DACH2: variants seen among roughly 807,000 people sequenced by gnomAD.
The protein encoded by DACH2 is dachshund homolog 2.
DACH2 carries 17 observed loss-of-function variants against 35.8 expected under a neutral mutation model. The ratio of observed to expected loss-of-function variants is 0.48; its 90% CI spans 0.33 to 0.71. DACH2 has a LOEUF of 0.71. DACH2 is among the 30% of genes least tolerant of loss of function. The pLI is 0.02. For missense variants in DACH2, 469 were observed against 472.7 expected (o/e 0.99, Z 0.07); for synonymous variants, 195 against 177.3 (o/e 1.10, Z -0.79).
chrX:86,805,276 A>C (rs1424630410), intron 7 of DACH2, among the ~76,000 whole-genome samples: 1 of 112,329 alleles, frequency 8.9e-6, no homozygotes, highest in Non-Finnish European at 1.9e-5. Context: ...TTTTTCCTCT[A>C]AAGTATCAGT....
intron 4 of DACH2, among the ~76,000 whole-genome samples, chrX:86,670,480 A>G (rs1028607085): frequency 8.9e-6 from 1 of 111,908 alleles, no homozygotes; most frequent in Non-Finnish European, 1.9e-5. Context: ...TATAATAAAC[A>G]TTGATTTTTC....
chrX:86,739,474 A>T (rs1166669318), intron 6 of DACH2, among the ~76,000 whole-genome samples: 1 of 111,885 alleles, frequency 8.9e-6, no homozygotes, highest in Non-Finnish European at 1.9e-5. Context: ...TCATTTATGA[A>T]TTTTTTAGCA....
At chrX:86,273,425 G>A (rs761184138) in intron 1 of DACH2, among the ~76,000 whole-genome samples, 20 of 111,653 alleles carry the variant, frequency 1.8e-4, no homozygotes, top group Non-Finnish European at 3.0e-4. Flanking sequence ...TCTAACCTCT[G>A]TTTAGCACAC....
At chrX:86,666,634 TG>T (rs2040672626) in intron 4 of DACH2, among the ~76,000 whole-genome samples, 1 of 111,509 alleles carries the variant, frequency 9.0e-6, no homozygotes, top group Non-Finnish European at 1.9e-5. Flanking sequence ...TTTTCTGATG[TG>T]TAAAATAGTA....
intron 1 of DACH2, among the ~76,000 whole-genome samples, chrX:86,257,948 C>T (rs1016839901): frequency 8.1e-5 from 9 of 110,995 alleles, no homozygotes; most frequent in South Asian, 3.8e-4. Context: ...GGATACAGAT[C>T]GGATAGGGTC....
intron 11 of DACH2, among the ~76,000 whole-genome samples, chrX:86,823,566 C>T (rs67003697): frequency 2.7e-5 from 3 of 111,385 alleles, no homozygotes; most frequent in Non-Finnish European, 5.7e-5. Context: ...TATTAGCTTT[C>T]AAGAAAGCAT....
chrX:86,302,767 A>G (rs751049728), intron 1 of DACH2, among the ~76,000 whole-genome samples: 33 of 110,331 alleles, frequency 3.0e-4, no homozygotes, highest in Non-Finnish European at 5.9e-4. Flanking sequence ...TTTTTCCTCA[A>G]AGGAAAGAAG....
chrX:86,573,225 A>G (rs905535992), intron 3 of DACH2, among the ~76,000 whole-genome samples: 24 of 110,951 alleles, frequency 2.2e-4, no homozygotes, highest in African/African-American at 7.9e-4. Flanking sequence ...AGCAGAAGGA[A>G]AAGATAAGGG....
intron 3 of DACH2, among the ~76,000 whole-genome samples, chrX:86,595,608 G>A (rs1478043512): frequency 1.8e-5 from 2 of 110,551 alleles, no homozygotes; most frequent in African/African-American, 6.6e-5. Context: ...CTTTTAAAGT[G>A]ATTATTGATA....
intron 1 of DACH2, among the ~76,000 whole-genome samples, chrX:86,220,850 A>G (rs1348258414): frequency 8.9e-6 from 1 of 112,309 alleles, no homozygotes; most frequent in Admixed American, 9.4e-5. Context: ...TATAAGGATT[A>G]CAATTTCTTC....
intron 6 of DACH2, among the ~76,000 whole-genome samples, chrX:86,729,695 C>T (rs946860794): frequency 9.0e-6 from 1 of 111,657 alleles, no homozygotes; most frequent in Non-Finnish European, 1.9e-5. Context: ...TGTCTCAGGC[C>T]ATCCCCTTGG....
At chrX:86,729,546 AT>A (rs1257259284) in intron 6 of DACH2, among the ~76,000 whole-genome samples, 1 of 111,199 alleles carries the variant, frequency 9.0e-6, no homozygotes, top group African/African-American at 3.3e-5. Context: ...AGGACATGAG[AT>A]TTGGGGGTGT....
At chrX:86,535,150 A>G (rs2038779576) in intron 3 of DACH2, among the ~76,000 whole-genome samples, 1 of 111,649 alleles carries the variant, frequency 9.0e-6, no homozygotes, top group South Asian at 3.7e-4. Flanking sequence ...ATGGGGTAGA[A>G]GTCATAATTT....
intron 1 of DACH2, chrX:86,305,146 C>G (rs964317944): frequency 7.4e-6 from 1 of 134,447 alleles, no homozygotes; most frequent in Non-Finnish European, 1.6e-5. Context: ...CAGCCTCACC[C>G]TTTTTGGGGG....
In DACH2 at chrX:86,651,270, G is replaced by C. The variant is rs776904838; in HGVS notation, c.772+103G>C. Reference sequence around the variant, plus strand: ...GAGGAGAGAATAATAAGTCTACTTTGGTTATAAAGATACTCAAGAGGGATG... The same window carrying C: ...GAGGAGAGAATAATAAGTCTACTTTCGTTATAAAGATACTCAAGAGGGATG... On this transcript the variant is annotated intron_variant, in intron 4 of 11. Coordinates refer to ENST00000373125, the MANE Select transcript of DACH2 (RefSeq NM_053281.3). The C allele has an allele frequency of 1.7e-5, 15 of 870,386 alleles. No homozygotes were observed. In the Admixed American group the frequency reaches 5.8e-4, roughly 34 times the overall value. 71.7% of individuals were successfully genotyped at this position (870,386 alleles called of 1,213,427 possible).
intron 1 of DACH2, among the ~76,000 whole-genome samples, chrX:86,205,274 T>C (rs1264473125): frequency 2.7e-5 from 3 of 110,937 alleles, no homozygotes; most frequent in African/African-American, 9.8e-5. Context: ...TTTCTCCAAG[T>C]GTGCCCAATA....
rs748166649 is a variant in DACH2, at chrX:86,534,974, A to G, written c.640+20583A>G. ...CATCAACTAAATTTGAAACAAAGTTATCTAGTTATCTGCTCACAATGAACA... is the reference window on the plus strand; with the variant it reads ...CATCAACTAAATTTGAAACAAAGTTGTCTAGTTATCTGCTCACAATGAACA... On this transcript the variant is annotated intron_variant, in intron 3 of 11. Transcript: ENST00000373125. Among the ~76,000 whole-genome samples, 6 of 112,211 alleles carry G rather than the reference A, an allele frequency of 5.3e-5. No homozygotes were observed. The East Asian group carries it at 1.7e-3, about 31-fold the overall frequency.
intron 2 of DACH2, among the ~76,000 whole-genome samples, chrX:86,483,199 C>T (rs1332407233): frequency 1.8e-5 from 2 of 108,485 alleles, no homozygotes; most frequent in Non-Finnish European, 1.9e-5. Flanking sequence ...TTGTGTGGGG[C>T]AGAACAACTG....
intron 3 of DACH2, among the ~76,000 whole-genome samples, chrX:86,578,716 G>C (rs778173552): frequency 8.9e-6 from 1 of 111,734 alleles, no homozygotes; most frequent in Non-Finnish European, 1.9e-5. Flanking sequence ...TATGAATGAA[G>C]TTGCTGTAAA....
Sources: gnomAD v4.1 joint callset for allele counts (sites outside exome capture counted in the v4.1 genomes callset) on GRCh38, gnomAD v4.1.1 for gene constraint, MANE v1.5 for transcripts, NCBI Gene and HGNC (gene_info 2026-07-23, HGNC 2026-07-21) for gene names.